ASTN2: variants seen among roughly 807,000 people sequenced by gnomAD.
ASTN2 encodes the protein astrotactin 2.
Under a neutral mutation model 139.8 loss-of-function variants are expected in ASTN2, and 54 were observed. The ratio of observed to expected loss-of-function variants is 0.39; its 90% CI spans 0.31 to 0.48. The LOEUF (loss-of-function observed/expected upper bound fraction) is 0.48, where lower values mean the gene tolerates loss of function less well. Ranked by LOEUF, ASTN2 falls within the 20% of genes least tolerant of loss-of-function variation. The pLI is 0.95. For synonymous variants in ASTN2, 756 were observed against 719.5 expected, an observed-to-expected ratio of 1.05 and a Z score of -0.81; for missense variants, 1,565 against 1,725.1, an observed-to-expected ratio of 0.91 and a Z score of 1.64.
At chr9:116,852,878 TAC>T (rs3040211) in intron 11 of ASTN2, among the ~76,000 whole-genome samples, 44,520 of 134,080 alleles carry the variant, frequency 0.33, 8,171 homozygotes, top group Non-Finnish European at 0.43. Context: ...AAGGGGAAAA[TAC>T]ACACACACAC....
At chr9:116,478,905 C>T (rs942547988) in intron 20 of ASTN2, among the ~76,000 whole-genome samples, 1 of 145,248 alleles carries the variant, frequency 6.9e-6, no homozygotes, top group African/African-American at 2.6e-5. Context: ...AGCAGAAGAA[C>T]CGCTTGAACC....
chr9:117,412,532 G>A (rs1831196894), intron 1 of ASTN2, among the ~76,000 whole-genome samples: 1 of 152,166 alleles, frequency 6.6e-6, no homozygotes, highest in Non-Finnish European at 1.5e-5. Flanking sequence ...GGCAAAGATT[G>A]TCAGTTCCAG....
rs549468714 is a variant in ASTN2 at position 117,247,598 on chromosome 9, TAAAAAC to T, written c.631-32862_631-32857del. ...GTTTCTGCTGTATTGAGAATAAAAT[TAAAAAC>T]AAAAACAAAAACAAAAACTGTCATC... On this transcript the variant is annotated intron_variant, in intron 2 of 22. Transcript: ENST00000313400. 2.0e-4 allele frequency among the ~76,000 whole-genome samples: 31 copies of T among 152,220 alleles called. No individual in the cohort carries two copies. In the South Asian group the frequency reaches 5.0e-3, roughly 24 times the overall value.
intron 19 of ASTN2, among the ~76,000 whole-genome samples, chr9:116,599,978 A>G (rs1162670146): frequency 6.6e-6 from 1 of 152,138 alleles, no homozygotes; most frequent in Admixed American, 6.5e-5. Flanking sequence ...CTCCTAGTCC[A>G]CACCTTGATG....
At chr9:116,672,699 A>G (rs1477481836) in intron 16 of ASTN2, among the ~76,000 whole-genome samples, 1 of 152,206 alleles carries the variant, frequency 6.6e-6, no homozygotes, top group African/African-American at 2.4e-5. Flanking sequence ...AGGGAAGTAC[A>G]GAAGGCTAAG....
At chr9:117,009,057 A>G (rs902669717) in intron 6 of ASTN2, among the ~76,000 whole-genome samples, 2 of 152,192 alleles carry the variant, frequency 1.3e-5, no homozygotes, top group African/African-American at 4.8e-5. Context: ...GGTTTGGGAC[A>G]CAATAAACAC....
chr9:117,054,524 T>C (rs1374957000), intron 5 of ASTN2, among the ~76,000 whole-genome samples: 3 of 152,198 alleles, frequency 2.0e-5, no homozygotes, highest in Admixed American at 6.5e-5. Context: ...CAGAGATCAG[T>C]GCAGAGCAGC....
intron 20 of ASTN2, among the ~76,000 whole-genome samples, chr9:116,479,076 C>A (rs10759843): frequency 0.71 from 106,975 of 150,110 alleles, 39,648 homozygotes; most frequent in Admixed American, 0.81. Flanking sequence ...CCCTTTCAAA[C>A]CCTCTTCTAC....
At chr9:116,504,462 A>AGAT (rs1031328336) in intron 19 of ASTN2, 4 of 152,198 alleles carry the variant, frequency 2.6e-5, no homozygotes, top group African/African-American at 9.7e-5. Context: ...AAGGACATTG[A>AGAT]GATAATAATA....
At chr9:117,116,192 G>C (rs1009918454) in intron 4 of ASTN2, among the ~76,000 whole-genome samples, 12 of 152,236 alleles carry the variant, frequency 7.9e-5, no homozygotes, top group South Asian at 6.2e-4. Context: ...CTATCTCCTG[G>C]GGGTAGCAGA....
chr9:116,876,249 T>C (rs1366597214), intron 10 of ASTN2, among the ~76,000 whole-genome samples: 1 of 152,012 alleles, frequency 6.6e-6, no homozygotes, highest in Non-Finnish European at 1.5e-5. Flanking sequence ...GATGTGAAAA[T>C]TGCAAGAGAA....
intron 2 of ASTN2, among the ~76,000 whole-genome samples, chr9:117,233,384 A>G (rs1340178088): frequency 1.3e-5 from 2 of 152,154 alleles, no homozygotes; most frequent in Non-Finnish European, 2.9e-5. Context: ...GATTTTCCTC[A>G]TCAGTCAAGT....
intron 1 of ASTN2, among the ~76,000 whole-genome samples, chr9:117,377,619 CAGAA>C (rs1830157795): frequency 6.6e-6 from 1 of 151,562 alleles, no homozygotes; most frequent in Non-Finnish European, 1.5e-5. Flanking sequence ...GAGTAACTTA[CAGAA>C]ATGCACATGG....
intron 1 of ASTN2, among the ~76,000 whole-genome samples, chr9:117,296,361 G>T (rs937637854): frequency 2.0e-5 from 3 of 151,394 alleles, no homozygotes; most frequent in African/African-American, 4.9e-5. Flanking sequence ...GGCTTTGAAT[G>T]CTTGGTGATA....
intron 19 of ASTN2, among the ~76,000 whole-genome samples, chr9:116,504,700 C>T (rs1245337398): frequency 6.6e-6 from 1 of 151,836 alleles, no homozygotes; most frequent in Non-Finnish European, 1.5e-5. Flanking sequence ...AACAATATGC[C>T]AGCCTGGGCG....
chr9:116,583,917 G>C (rs1854049230), intron 19 of ASTN2: 1 of 152,084 alleles, frequency 6.6e-6, no homozygotes, highest in Non-Finnish European at 1.5e-5. Context: ...CCCCAAACAA[G>C]ACCTCTGACT....
At chr9:117,255,989 A>G (rs1438232097) in intron 2 of ASTN2, among the ~76,000 whole-genome samples, 1 of 152,184 alleles carries the variant, frequency 6.6e-6, no homozygotes. Context: ...GGAAAAGCAA[A>G]TTTGGTCTGA....
chr9:116,931,710 A>C (rs1834902966), intron 10 of ASTN2, among the ~76,000 whole-genome samples: 1 of 152,340 alleles, frequency 6.6e-6, no homozygotes, highest in Non-Finnish European at 1.5e-5. Flanking sequence ...TAATTTGGGA[A>C]GCAAAGGGCC....
chr9:117,164,883 A>G (rs2132910441), intron 3 of ASTN2, among the ~76,000 whole-genome samples: 1 of 152,216 alleles, frequency 6.6e-6, no homozygotes, highest in South Asian at 2.1e-4. Context: ...GCACTGTACT[A>G]AGTGCATGGA....
Sources: allele counts gnomAD v4.1 joint callset (sites outside exome capture counted in the v4.1 genomes callset), GRCh38; gene constraint gnomAD v4.1.1; transcripts MANE v1.5; gene names NCBI Gene and HGNC (gene_info 2026-07-23, HGNC 2026-07-21).